PTPRK: variants seen among roughly 807,000 people sequenced by gnomAD.
PTPRK encodes protein tyrosine phosphatase receptor type K, also known as receptor-type tyrosine-protein phosphatase kappa.
A neutral mutation model predicts 178.0 loss-of-function variants in PTPRK; 75 were observed. The ratio of observed to expected loss-of-function variants is 0.42; its 90% CI spans 0.35 to 0.51. The LOEUF is 0.51. Ranked by LOEUF, PTPRK falls within the 20% of genes least tolerant of loss-of-function variation. The pLI is 0.02. For missense variants in PTPRK, 1,441 were observed against 1,797.8 expected, an observed-to-expected ratio of 0.80 and a Z score of 3.59; for synonymous variants, 637 against 620.6, an observed-to-expected ratio of 1.03 and a Z score of -0.39.
rs553887960 is a variant in PTPRK at position 128,299,923 on chromosome 6, G to A, written c.495+22116C>T. Among the ~76,000 whole-genome samples the A allele has an allele frequency of 2.2e-4, 33 of 152,176 alleles. No individual in the cohort carries two copies. The South Asian group carries it at 5.4e-3, about 25-fold the overall frequency. ...TGCACAGCAAAAGAAACTACCATCA[G>A]AGTGAACAGGCAACCTACAAAATGG... On this transcript the variant is annotated intron_variant, in intron 3 of 29. Transcript: ENST00000368226.
chr6:128,278,126 TA>T (rs1821038534), intron 3 of PTPRK, among the ~76,000 whole-genome samples: 2 of 76,460 alleles, frequency 2.6e-5, no homozygotes, highest in Non-Finnish European at 4.9e-5. Flanking sequence ...TTGTGTTTTT[TA>T]TTTATTTATT....
At chr6:127,989,748 T>C (rs150278546) in intron 21 of PTPRK, among the ~76,000 whole-genome samples, 1 of 152,176 alleles carries the variant, frequency 6.6e-6, no homozygotes, top group Admixed American at 6.5e-5. Context: ...CAAAATGGTA[T>C]ATAAGTACAC....
rs6917178 is a variant in PTPRK at position 128,507,939 on chromosome 6, T to C, written c.100+12320A>G. On this transcript the variant is annotated intron_variant, in intron 1 of 29. Transcript: ENST00000368226. Reference sequence around the variant, plus strand: ...AATTCCACTTGGCGGAATTTTACTATCATTGTGGCAATGTGTTTGTAATTC... The same window carrying C: ...AATTCCACTTGGCGGAATTTTACTACCATTGTGGCAATGTGTTTGTAATTC... 8.7e-3 allele frequency among the ~76,000 whole-genome samples: 1,331 copies of C among 152,282 alleles called. 18 individuals carry two copies. The highest frequency in any genetic ancestry group is 0.031 in the African/African-American group (1,288 of 41,548).
At chr6:128,200,544 G>A (rs1805713416) in intron 6 of PTPRK, among the ~76,000 whole-genome samples, 1 of 151,718 alleles carries the variant, frequency 6.6e-6, no homozygotes, top group Non-Finnish European at 1.5e-5. Context: ...GGGGAACACA[G>A]CAAGACTCCT....
intron 3 of PTPRK, chr6:128,321,062 C>T (rs757155677): frequency 2.6e-5 from 4 of 152,088 alleles, no homozygotes; most frequent in Non-Finnish European, 5.9e-5. Context: ...CAAAGCATTT[C>T]TTTTTTCCCC....
At chr6:128,077,608 C>A (rs1784072772) in intron 11 of PTPRK, among the ~76,000 whole-genome samples, 1 of 150,874 alleles carries the variant, frequency 6.6e-6, no homozygotes, top group African/African-American at 2.5e-5. Flanking sequence ...TTATTTTTAA[C>A]TGAATATGTA....
chr6:128,302,346 C>CGCACCACTGCA (rs1825753257), intron 3 of PTPRK, among the ~76,000 whole-genome samples: 1 of 142,490 alleles, frequency 7.0e-6, no homozygotes, highest in Non-Finnish European at 1.5e-5. Flanking sequence ...GAGCCAAGAT[C>CGCACCACTGCA]GCACCACTGC....
At chr6:128,259,105 G>A (rs1049104306) in intron 3 of PTPRK, among the ~76,000 whole-genome samples, 9 of 151,656 alleles carry the variant, frequency 5.9e-5, no homozygotes, top group Admixed American at 5.9e-4. Flanking sequence ...GAGGGAGACA[G>A]GGAAAGCATG....
At position 127,990,871 on chromosome 6, in the gene PTPRK, T is replaced by C. The variant is rs749504642; in HGVS notation, c.2994A>G (p.Lys998=). 7.5e-6 allele frequency: 12 copies of C among 1,600,876 alleles called. No individual in the cohort carries two copies. The highest frequency in any genetic ancestry group is 1.0e-5 in the Non-Finnish European group (12 of 1,168,468). Residue 998 remains lysine, a synonymous_variant, in exon 21 of 30, where the codon AAA becomes AAG. Coordinates refer to ENST00000368226, the MANE Select transcript of PTPRK (RefSeq NM_002844.4). ...AAACTTCAGTATCATCAGGCCAATATTTATAGCATTTAACCTAAGTGACAA... is the reference window on the plus strand; with the variant it reads ...AAACTTCAGTATCATCAGGCCAATACTTATAGCATTTAACCTAAGTGACAA... The part of the protein sequence containing the change: ...LVEVGRVKCY[K]YWPDDTEVYG...
chr6:128,339,174 G>A (rs1831338403), intron 2 of PTPRK, among the ~76,000 whole-genome samples: 1 of 152,046 alleles, frequency 6.6e-6, no homozygotes, highest in African/African-American at 2.4e-5. Context: ...CAGAGGACAA[G>A]GGAAATAAAA....
intron 1 of PTPRK, among the ~76,000 whole-genome samples, chr6:128,485,128 T>C (rs574701446): frequency 1.4e-3 from 215 of 152,364 alleles, no homozygotes; most frequent in African/African-American, 4.7e-3. Flanking sequence ...ACTGTATGAT[T>C]AGGAAAATTA....
intron 6 of PTPRK, among the ~76,000 whole-genome samples, chr6:128,207,668 A>G (rs115237698): frequency 0.026 from 3,922 of 152,328 alleles, 105 homozygotes; most frequent in African/African-American, 0.071. Context: ...ACGTTTCACA[A>G]TAAAATTCAA....
Position 128,148,676 on chromosome 6 carries a change from C to T in PTPRK, c.1162+35756G>A, listed in dbSNP as rs546774455. Among the ~76,000 whole-genome samples, 111 of 152,116 alleles carry T rather than the reference C, an allele frequency of 7.3e-4. 1 individual carries two copies. The highest frequency in any genetic ancestry group is 2.5e-3 in the African/African-American group (103 of 41,502). ...TTAGCATTTCTTCAATATACCAATCCGAGCAGAAACCAAGGACTGGCTGAT... is the reference window on the plus strand; with the variant it reads ...TTAGCATTTCTTCAATATACCAATCTGAGCAGAAACCAAGGACTGGCTGAT... On this transcript the variant is annotated intron_variant, in intron 7 of 29. Coordinates refer to ENST00000368226, the MANE Select transcript of PTPRK (RefSeq NM_002844.4).
chr6:128,261,360 C>G (rs1308961471), intron 3 of PTPRK, among the ~76,000 whole-genome samples: 1 of 152,116 alleles, frequency 6.6e-6, no homozygotes, highest in African/African-American at 2.4e-5. Context: ...TAACAAAAAA[C>G]AGCAAATTTT....
chr6:128,105,280 C>A (rs888562479), intron 7 of PTPRK, among the ~76,000 whole-genome samples: 1 of 151,986 alleles, frequency 6.6e-6, no homozygotes, highest in African/African-American at 2.4e-5. Flanking sequence ...ACTACAGGCG[C>A]CCGCCACCAC....
intron 1 of PTPRK, among the ~76,000 whole-genome samples, chr6:128,495,353 G>T (rs957658312): frequency 6.6e-6 from 1 of 152,040 alleles, no homozygotes; most frequent in Non-Finnish European, 1.5e-5. Flanking sequence ...TCAGGGAAAA[G>T]ATAAAAGAAT....
At chr6:128,037,263 A>G (rs953924395) in intron 13 of PTPRK, among the ~76,000 whole-genome samples, 3 of 152,318 alleles carry the variant, frequency 2.0e-5, no homozygotes, top group Non-Finnish European at 2.9e-5. Flanking sequence ...GACTGAATCA[A>G]TTTAAGTCTC....
intron 1 of PTPRK, among the ~76,000 whole-genome samples, chr6:128,457,294 C>A (rs1254591483): frequency 6.6e-6 from 1 of 152,206 alleles, no homozygotes; most frequent in Admixed American, 6.6e-5. Context: ...TTACCATATT[C>A]TTTTATTCAC....
chr6:128,510,862 T>C (rs1209521605), intron 1 of PTPRK, among the ~76,000 whole-genome samples: 2 of 151,806 alleles, frequency 1.3e-5, no homozygotes, highest in African/African-American at 4.8e-5. Flanking sequence ...AGGAAAATGA[T>C]ATATATATAG....
Sources: gnomAD v4.1 joint callset for allele counts (sites outside exome capture counted in the v4.1 genomes callset) on GRCh38, gnomAD v4.1.1 for gene constraint, MANE v1.5 for transcripts, NCBI Gene and HGNC (gene_info 2026-07-23, HGNC 2026-07-21) for gene names.